PRAG1: variants seen among roughly 807,000 people sequenced by gnomAD.
PRAG1 encodes the protein PEAK1 related, kinase-activating pseudokinase 1, also known as inactive tyrosine-protein kinase PRAG1.
PRAG1 carries 110 observed loss-of-function variants against 95.6 expected under a neutral mutation model. That is an observed-to-expected ratio of 1.15 (90% CI 0.99 to 1.35). PRAG1 has a LOEUF of 1.35. Ranked by LOEUF, PRAG1 falls within the 40% of genes most tolerant of loss-of-function variation. PRAG1 has a pLI of 0.00. For synonymous variants in PRAG1, 1,052 were observed against 819.4 expected (o/e 1.28, Z -4.85); for missense variants, 2,554 against 1,864.7 (o/e 1.37, Z -6.81).
At chr8:8,332,946 G>A (rs1318576943) in intron 4 of PRAG1, among the ~76,000 whole-genome samples, 1 of 151,680 alleles carries the variant, frequency 6.6e-6, no homozygotes, top group Admixed American at 6.6e-5. Flanking sequence ...AAATAACAGG[G>A]AACAAATATA....
chr8:8,376,215 A>C (rs937552557), intron 3 of PRAG1, 32 bp downstream of exon 3: 1 of 1,595,376 alleles, frequency 6.3e-7, no homozygotes, highest in Non-Finnish European at 8.5e-7. Flanking sequence ...TTTGCCCTGC[A>C]GACAGAGTCC....
chr8:8,379,937 C>T (rs557831352), intron 2 of PRAG1, among the ~76,000 whole-genome samples: 1 of 152,228 alleles, frequency 6.6e-6, no homozygotes, highest in South Asian at 2.1e-4. Context: ...TAAGGAATTA[C>T]TGCTAATATT....
At chr8:8,380,327 G>A (rs139665278) in intron 2 of PRAG1, among the ~76,000 whole-genome samples, 33 of 152,156 alleles carry the variant, frequency 2.2e-4, no homozygotes, top group African/African-American at 6.0e-4. Context: ...GGCCAGGCGC[G>A]GTGGCTCACG....
intron 3 of PRAG1, among the ~76,000 whole-genome samples, chr8:8,358,427 ACCTTCAG>A (rs1799747097): frequency 6.6e-6 from 1 of 152,136 alleles, no homozygotes; most frequent in Admixed American, 6.5e-5. Context: ...GATCAACTTA[ACCTTCAG>A]CCTCTCTCCC....
At chr8:8,384,626 A>C (rs1020546978) in intron 1 of PRAG1, among the ~76,000 whole-genome samples, 1 of 151,910 alleles carries the variant, frequency 6.6e-6, no homozygotes, top group Admixed American at 6.6e-5. Flanking sequence ...AAAAAAAAAA[A>C]AAAAAACCTC....
intron 1 of PRAG1, among the ~76,000 whole-genome samples, chr8:8,383,868 G>C (rs1467752081): frequency 6.6e-6 from 1 of 152,160 alleles, no homozygotes; most frequent in Non-Finnish European, 1.5e-5. Context: ...CTGTAGCCTT[G>C]CTGCTAAGTT....
At chr8:8,340,589 G>A (rs1001794434) in intron 3 of PRAG1, among the ~76,000 whole-genome samples, 1 of 152,250 alleles carries the variant, frequency 6.6e-6, no homozygotes, top group African/African-American at 2.4e-5. Context: ...GAAATATACA[G>A]TACAGTACTG....
chr8:8,320,817 T>C (rs1798450381), intron 5 of PRAG1, among the ~76,000 whole-genome samples: 1 of 152,202 alleles, frequency 6.6e-6, no homozygotes, highest in African/African-American at 2.4e-5. Context: ...GCAAGCACCT[T>C]TTCACGGAGA....
intron 3 of PRAG1, among the ~76,000 whole-genome samples, chr8:8,374,199 G>C (rs1800305511): frequency 1.3e-5 from 2 of 152,182 alleles, no homozygotes. Flanking sequence ...TTAGAGAAGA[G>C]ACTCCAGACT....
In PRAG1 at chr8:8,317,788, C is replaced by G; in HGVS notation, c.*366G>C. 1 of 148,012 alleles carries G rather than the reference C, an allele frequency of 6.8e-6. No homozygotes were observed. The highest frequency in any genetic ancestry group is 1.9e-4 in the East Asian group (1 of 5,258). The allele number at this position is 148,012 out of a possible 1,614,324, so 9.2% of individuals were successfully genotyped here. ...TGGAATTTTCTTCTTTTTTTTTTTT[C>G]TTTAAATAACAATTTGACAAAAGGG... On this transcript the variant is annotated 3_prime_UTR_variant, in exon 6 of 6. Coordinates refer to ENST00000615670, the MANE Select transcript of PRAG1 (RefSeq NM_001080826.3).
intron 3 of PRAG1, among the ~76,000 whole-genome samples, chr8:8,366,313 CTT>C (rs36037685): frequency 1.6e-4 from 21 of 133,948 alleles, no homozygotes; most frequent in Middle Eastern, 3.8e-3. Context: ...CATGGGAATT[CTT>C]TTTTTTTTTT....
intron 3 of PRAG1, among the ~76,000 whole-genome samples, chr8:8,342,434 G>T (rs917696558): frequency 6.6e-6 from 1 of 151,986 alleles, no homozygotes; most frequent in African/African-American, 2.4e-5. Context: ...CTGACCTCGT[G>T]ATCTGCCCGC....
chr8:8,338,197 A>G (rs1799051005), intron 4 of PRAG1, among the ~76,000 whole-genome samples: 1 of 152,110 alleles, frequency 6.6e-6, no homozygotes, highest in South Asian at 2.1e-4. Context: ...ACCATATCCC[A>G]TCCACCCATG....
At chr8:8,346,837 T>A (rs1799359209) in intron 3 of PRAG1, among the ~76,000 whole-genome samples, 1 of 152,200 alleles carries the variant, frequency 6.6e-6, no homozygotes, top group Non-Finnish European at 1.5e-5. Context: ...TTCACATACA[T>A]TTGGCCGAGA....
rs758536884 is a variant in PRAG1 at position 8,377,229 on chromosome 8, T to C, written c.1180A>G (p.Thr394Ala). 1.7e-5 allele frequency: 28 copies of C among 1,612,420 alleles called. No individual in the cohort carries two copies. The highest frequency in any genetic ancestry group is 3.3e-4 in the Middle Eastern group (2 of 6,084). The change falls in exon 3 of 6, where the codon ACG becomes GCG. Residue 394 changes from threonine to alanine, a missense_variant. By Grantham distance (58) the Thr-to-Ala change is moderately conservative. Coordinates refer to ENST00000615670, the MANE Select transcript of PRAG1 (RefSeq NM_001080826.3). ...GVTPSRCLGLTGEPQPPAHPR... is the reference protein window; with the variant it reads ...GVTPSRCLGLAGEPQPPAHPR... ...TGGGCCGGGGGCTGGGGCTCCCCCG[T>C]CAGCCCAAGGCATCTGCTAGGGGTC...
Position 8,337,478 on chromosome 8 carries a change from G to C in PRAG1, c.2320+2000C>G, listed in dbSNP as rs189021556. On this transcript the variant is annotated intron_variant, in intron 4 of 5. Coordinates refer to ENST00000615670, the MANE Select transcript of PRAG1 (RefSeq NM_001080826.3). ...TAAAAGATGTCAAAAAGAAGAGAGA[G>C]AGAGAGAGAAAGAGAGAGAGAGAGA... is the stretch of plus-strand genomic sequence containing the variant. Among the ~76,000 whole-genome samples, 7 of 151,550 alleles carry C rather than the reference G, an allele frequency of 4.6e-5. No individual in the cohort carries two copies. The East Asian group carries it at 1.4e-3, about 29-fold the overall frequency.
Position 8,318,934 on chromosome 8 carries a change from G to C in PRAG1, c.3441C>G (p.Cys1147Trp). The change falls in exon 6 of 6, where the codon TGC (cysteine) becomes TGG (tryptophan). Residue 1147 changes from cysteine to tryptophan, a missense_variant. Physicochemically the swap from Cys to Trp is radical, Grantham distance 215. Transcript: ENST00000615670. The surrounding 1 kb of genome is among the most constrained non-coding windows in gnomAD (Gnocchi z 4.2). ...AGTGCACCAGCAGCAGGTTCTCCAG[G>C]CACAGGTCCCGGTGGATGATCCCGT... ...KEHGIIHRDL[C>W]LENLLLVHCT... The C allele has an allele frequency of 1.2e-6, 2 of 1,611,760 alleles. No homozygotes were observed. Among genetic ancestry groups the C allele is most frequent in the Non-Finnish European group, 1.7e-6 (2 of 1,179,288 alleles).
At chr8:8,334,950 C>T (rs962405059) in intron 4 of PRAG1, among the ~76,000 whole-genome samples, 4 of 151,630 alleles carry the variant, frequency 2.6e-5, no homozygotes, top group South Asian at 2.1e-4. Flanking sequence ...GGCGTGGTGG[C>T]GCGCATGCAG....
At chr8:8,379,120 G>C (rs960394529) in intron 2 of PRAG1, among the ~76,000 whole-genome samples, 2 of 151,776 alleles carry the variant, frequency 1.3e-5, no homozygotes, top group Non-Finnish European at 2.9e-5. Context: ...CAGAGTGAGG[G>C]GTGTTTTCTG....
Sources: gnomAD v4.1 joint callset for allele counts (sites outside exome capture counted in the v4.1 genomes callset) on GRCh38, gnomAD v4.1.1 for gene constraint, Gnocchi (gnomAD v3.1) non-coding constraint, MANE v1.5 for transcripts, NCBI Gene and HGNC (gene_info 2026-07-23, HGNC 2026-07-21) for gene names.